ALCAM: variants seen among roughly 807,000 people sequenced by gnomAD.
The protein encoded by ALCAM is CD166 antigen.
Under a neutral mutation model 70.9 loss-of-function variants are expected in ALCAM, and 30 were observed. That is an observed-to-expected ratio of 0.42 (90% CI 0.32 to 0.57). The LOEUF (loss-of-function observed/expected upper bound fraction) is 0.57, where lower values mean the gene tolerates loss of function less well. Among genes scored for constraint, ALCAM ranks in the 20% least tolerant of loss-of-function variants. ALCAM has a pLI of 0.11. For synonymous variants in ALCAM, 249 were observed against 242.5 expected (o/e 1.03, Z -0.25); for missense variants, 591 against 695.1 (o/e 0.85, Z 1.68).
At chr3:105,445,565 C>T (rs1032829330) in intron 1 of ALCAM, among the ~76,000 whole-genome samples, 6 of 152,144 alleles carry the variant, frequency 3.9e-5, no homozygotes, top group African/African-American at 1.4e-4. Context: ...CATCACACCA[C>T]CTGATTTCAA....
intron 1 of ALCAM, among the ~76,000 whole-genome samples, chr3:105,420,881 A>C (rs1936633026): frequency 6.6e-6 from 1 of 151,550 alleles, no homozygotes; most frequent in Non-Finnish European, 1.5e-5. Flanking sequence ...TGAAGAGAGG[A>C]AAGTAAAAAG....
intron 10 of ALCAM, 21 bp from the exon 11 acceptor site, chr3:105,547,369 A>G: frequency 3.1e-6 from 5 of 1,593,564 alleles, no homozygotes; most frequent in Non-Finnish European, 4.3e-6. Context: ...TCAACATCTT[A>G]TTTTAATTGT....
intron 1 of ALCAM, among the ~76,000 whole-genome samples, chr3:105,409,439 A>C (rs1936331529): frequency 6.6e-6 from 1 of 152,112 alleles, no homozygotes; most frequent in South Asian, 2.1e-4. Context: ...TATCATTCGA[A>C]GTTAAGTAAC....
intron 1 of ALCAM, among the ~76,000 whole-genome samples, chr3:105,507,868 T>C (rs905751738): frequency 1.3e-5 from 2 of 152,144 alleles, no homozygotes; most frequent in East Asian, 1.9e-4. Flanking sequence ...AGTCATTCAG[T>C]ACGTTTTTAT....
At chr3:105,470,669 A>G (rs1377804394) in intron 1 of ALCAM, among the ~76,000 whole-genome samples, 1 of 151,222 alleles carries the variant, frequency 6.6e-6, no homozygotes, top group Non-Finnish European at 1.5e-5. Flanking sequence ...CTTCTGTGGC[A>G]TTTTCTGAAG....
At chr3:105,386,359 G>T (rs774932459) in intron 1 of ALCAM, among the ~76,000 whole-genome samples, 1 of 151,590 alleles carries the variant, frequency 6.6e-6, no homozygotes, top group East Asian at 1.9e-4. Context: ...TGGGCCAACT[G>T]AATAGAAATA....
intron 1 of ALCAM, among the ~76,000 whole-genome samples, chr3:105,479,491 G>GA (rs1424345020): frequency 2.0e-5 from 3 of 152,138 alleles, no homozygotes; most frequent in Admixed American, 6.6e-5. Context: ...TTAATGACAT[G>GA]AAAATGCTTG....
intron 1 of ALCAM, among the ~76,000 whole-genome samples, chr3:105,392,318 G>T (rs1935843389): frequency 6.6e-6 from 1 of 151,740 alleles, no homozygotes; most frequent in Admixed American, 6.6e-5. Context: ...ATGTATCCAA[G>T]AATTTTTCCT....
At chr3:105,380,789 G>A (rs767014949) in intron 1 of ALCAM, among the ~76,000 whole-genome samples, 2 of 151,856 alleles carry the variant, frequency 1.3e-5, no homozygotes, top group African/African-American at 2.4e-5. Flanking sequence ...CACAGAAACA[G>A]ATTTAAAAAT....
intron 1 of ALCAM, among the ~76,000 whole-genome samples, chr3:105,424,243 T>C (rs1936736541): frequency 6.6e-6 from 1 of 151,670 alleles, no homozygotes. Flanking sequence ...AAATCCTAGA[T>C]ACTATTAATT....
Position 105,547,499 on chromosome 3 carries a change from T to C in ALCAM, c.1350T>C (p.Thr450=), listed in dbSNP as rs1401082728. ...AGCCAGCCATTCAATGGACAATTAC[T>C]GGCAGTGGAAGCGTCATAAACCAAG... ...FPKPAIQWTI[T]GSGSVINQTE... The change falls in exon 11 of 16, where the codon ACT becomes ACC. Residue 450 remains threonine, a synonymous_variant. Transcript: ENST00000306107. 14 of 1,610,350 alleles carry C rather than the reference T, an allele frequency of 8.7e-6. No homozygotes were observed. Among genetic ancestry groups the C allele is most frequent in the Non-Finnish European group, 1.1e-5 (13 of 1,177,558 alleles).
At chr3:105,471,591 AT>A (rs1432944843) in intron 1 of ALCAM, among the ~76,000 whole-genome samples, 1 of 126,798 alleles carries the variant, frequency 7.9e-6, no homozygotes, top group East Asian at 2.6e-4. Flanking sequence ...TAAGAAAATA[AT>A]TCATTTTGTG....
intron 3 of ALCAM, among the ~76,000 whole-genome samples, chr3:105,528,924 T>C (rs1458566003): frequency 6.6e-6 from 1 of 152,206 alleles, no homozygotes; most frequent in African/African-American, 2.4e-5. Flanking sequence ...TAGCATTATA[T>C]ATCATTGTTC....
intron 1 of ALCAM, among the ~76,000 whole-genome samples, chr3:105,454,320 C>T (rs934174267): frequency 1.3e-5 from 2 of 152,080 alleles, no homozygotes; most frequent in Non-Finnish European, 2.9e-5. Context: ...CAAGAGTAAA[C>T]AAACTATTTT....
At chr3:105,497,480 C>T (rs749182548) in intron 1 of ALCAM, among the ~76,000 whole-genome samples, 25 of 151,974 alleles carry the variant, frequency 1.6e-4, no homozygotes, top group Non-Finnish European at 3.4e-4. Context: ...TTAAGTGAAA[C>T]AGCATGGGTT....
At chr3:105,523,395 C>T (rs7621611) in intron 2 of ALCAM, among the ~76,000 whole-genome samples, 147,302 of 152,256 alleles carry the variant, frequency 0.97, 71,420 homozygotes, top group East Asian at 1. Context: ...ACTCCAATAT[C>T]AACTTAGTAA....
intron 1 of ALCAM, among the ~76,000 whole-genome samples, chr3:105,377,037 T>TA (rs1161721261): frequency 3.9e-5 from 6 of 152,304 alleles, no homozygotes; most frequent in African/African-American, 1.2e-4. Context: ...CACATATTAG[T>TA]AAATATTTGT....
intron 1 of ALCAM, among the ~76,000 whole-genome samples, chr3:105,418,064 G>A (rs1936551032): frequency 6.6e-6 from 1 of 151,784 alleles, no homozygotes; most frequent in African/African-American, 2.4e-5. Context: ...CATTGATGCT[G>A]ACTCACCCTG....
At chr3:105,481,258 T>C (rs1280424413) in intron 1 of ALCAM, among the ~76,000 whole-genome samples, 2 of 152,066 alleles carry the variant, frequency 1.3e-5, no homozygotes, top group Non-Finnish European at 2.9e-5. Flanking sequence ...AATATTTTGT[T>C]TTCCCAAACC....
Sources: gnomAD v4.1 joint callset for allele counts (sites outside exome capture counted in the v4.1 genomes callset) on GRCh38, gnomAD v4.1.1 for gene constraint, MANE v1.5 for transcripts, NCBI Gene and HGNC (gene_info 2026-07-23, HGNC 2026-07-21) for gene names.